The following CUX2 variants were observed in gnomAD, a reference collection of about 807,000 sequenced individuals.
CUX2 encodes homeobox protein cut-like 2.
Under a neutral mutation model 144.8 loss-of-function variants are expected in CUX2, and 40 were observed. That is an observed-to-expected ratio of 0.28 (90% CI 0.21 to 0.36). The LOEUF (loss-of-function observed/expected upper bound fraction) is 0.36. CUX2 is among the 10% of genes least tolerant of loss of function. CUX2 has a pLI of 1.00. For missense variants in CUX2, 1,615 were observed against 1,994.0 expected (o/e 0.81, Z 3.62); for synonymous variants, 827 against 875.6 (o/e 0.94, Z 0.98).
chr12:111,051,307 C>T (rs1209047058), intron 1 of CUX2, among the ~76,000 whole-genome samples: 2 of 152,048 alleles, frequency 1.3e-5, no homozygotes, highest in East Asian at 3.9e-4. Flanking sequence ...TCTAGTTGTT[C>T]TTTGCACTGT....
chr12:111,127,761 C>A (rs370604804), intron 1 of CUX2, among the ~76,000 whole-genome samples: 82 of 152,292 alleles, frequency 5.4e-4, no homozygotes, highest in African/African-American at 1.8e-3. Context: ...GTTTAATGGA[C>A]TCACAGTTCC....
At chr12:111,153,131 T>C (rs1216249857) in intron 1 of CUX2, among the ~76,000 whole-genome samples, 1 of 152,246 alleles carries the variant, frequency 6.6e-6, no homozygotes, top group Non-Finnish European at 1.5e-5. Context: ...CCCTGGATTC[T>C]AGTTTTAGAG....
chr12:111,316,142 C>CTTTT (rs201009821), intron 16 of CUX2, among the ~76,000 whole-genome samples: 3 of 132,098 alleles, frequency 2.3e-5, no homozygotes, highest in Non-Finnish European at 3.2e-5. Flanking sequence ...TAAAATTAAG[C>CTTTT]TTTTTTTTTT....
chr12:111,114,323 A>T lies in CUX2; in HGVS notation c.63+80083A>T, dbSNP rs775801193. Among the ~76,000 whole-genome samples the T allele has an allele frequency of 1.2e-3, 179 of 151,898 alleles. 1 individual carries two copies. Among genetic ancestry groups the T allele is most frequent in the South Asian group, 1.0e-3 (5 of 4,806 alleles). On this transcript the variant is annotated intron_variant, in intron 1 of 21. Coordinates refer to ENST00000261726, the MANE Select transcript of CUX2 (RefSeq NM_015267.4). ...ATAGCAGTATCTCATTGTGGTTTTC[A>T]TTTGCATTTCCCTAATGATTAATGA... is the stretch of plus-strand genomic sequence containing the variant.
intron 4 of CUX2, among the ~76,000 whole-genome samples, chr12:111,288,912 G>A (rs948610964): frequency 3.9e-5 from 6 of 152,200 alleles, no homozygotes; most frequent in African/African-American, 9.6e-5. Flanking sequence ...ACAGTGAGCC[G>A]AGATCGTCTC....
chr12:111,339,358 C>T (rs1006800980), intron 20 of CUX2, among the ~76,000 whole-genome samples: 8 of 152,192 alleles, frequency 5.3e-5, no homozygotes, highest in African/African-American at 1.7e-4. Flanking sequence ...TGTGTACCTC[C>T]CTCCCTCCTC....
At position 111,035,217 on chromosome 12, in the gene CUX2, G is replaced by T. The variant is rs879815002; in HGVS notation, c.63+977G>T. On this transcript the variant is annotated intron_variant, in intron 1 of 21. Coordinates refer to ENST00000261726, the MANE Select transcript of CUX2 (RefSeq NM_015267.4). This position sits in a 1 kb window ranked among gnomAD's most constrained non-coding sequence, Gnocchi z 6.0. Reference sequence around the variant, plus strand: ...TCTCTCCCGTCTCTGCTTTTCTTCTGTTTCTTTCCTCTCTTCCCTGCTCTT... The same window carrying T: ...TCTCTCCCGTCTCTGCTTTTCTTCTTTTTCTTTCCTCTCTTCCCTGCTCTT... Among the ~76,000 whole-genome samples the T allele has an allele frequency of 1.3e-5, 2 of 152,178 alleles. No homozygotes were observed. The highest frequency in any genetic ancestry group is 1.3e-4 in the Admixed American group (2 of 15,284).
At position 111,308,496 on chromosome 12, in the gene CUX2, C is replaced by G; in HGVS notation, c.1228C>G (p.Leu410Val). 6.2e-7 allele frequency: 1 copy of G among 1,613,788 alleles called. No individual in the cohort carries two copies. The highest frequency in any genetic ancestry group is 8.5e-7 in the Non-Finnish European group (1 of 1,179,880). The change falls in exon 14 of 22, where the codon CTG (leucine) becomes GTG (valine). Residue 410 changes from leucine to valine, a missense_variant. By Grantham distance (32) the Leu-to-Val change is conservative. Coordinates refer to ENST00000261726, the MANE Select transcript of CUX2 (RefSeq NM_015267.4). ...CTTCTTCCCCACGCAGAAATTCCTT[C>G]TGGAGAAGCCCAGCCTCCTGGCCAG... ...EAFFPTQKFL[L>V]EKPSLLASPE...
rs180957696 is a variant in CUX2 at position 111,349,555 on chromosome 12, A to T, written c.*1230A>T. On this transcript the variant is annotated 3_prime_UTR_variant, in exon 22 of 22. Coordinates refer to ENST00000261726, the MANE Select transcript of CUX2 (RefSeq NM_015267.4). ...AGTCCATGCAGAACTCTGGAAGGCC[A>T]AGTTCATCGCAGCATGTTCACCATA... 1 of 152,330 alleles carries T rather than the reference A, an allele frequency of 6.6e-6. No homozygotes were observed. The highest frequency in any genetic ancestry group is 1.9e-4 in the East Asian group (1 of 5,182). 9.4% of individuals were successfully genotyped at this position (152,330 alleles called of 1,614,324 possible).
chr12:111,126,202 A>G (rs139297546), intron 1 of CUX2, among the ~76,000 whole-genome samples: 1,646 of 151,274 alleles, frequency 0.011, 34 homozygotes, highest in African/African-American at 0.037. Flanking sequence ...TCTGCCTCTC[A>G]GGTTCAAGCG....
At position 111,349,498 on chromosome 12, in the gene CUX2, G is replaced by A. The variant is rs1888964052; in HGVS notation, c.*1173G>A. On this transcript the variant is annotated 3_prime_UTR_variant, in exon 22 of 22. Transcript: ENST00000261726. ...CCATCTTCTTTCTCAAGTTGACCGT[G>A]GTGCTGTTTCTGGAAGGCATCTGCA... 6.6e-6 allele frequency: 1 copy of A among 152,154 alleles called. No individual in the cohort carries two copies. Among genetic ancestry groups the A allele is most frequent in the African/African-American group, 2.4e-5 (1 of 41,422 alleles). 9.4% of individuals were successfully genotyped at this position (152,154 alleles called of 1,614,324 possible).
At chr12:111,148,498 C>T (rs180955145) in intron 1 of CUX2, among the ~76,000 whole-genome samples, 227 of 152,266 alleles carry the variant, frequency 1.5e-3, no homozygotes, top group African/African-American at 5.3e-3. Flanking sequence ...CAGAACTGTA[C>T]ATTTAAATAT....
chr12:111,043,490 T>C (rs1869845979), intron 1 of CUX2, among the ~76,000 whole-genome samples: 1 of 152,054 alleles, frequency 6.6e-6, no homozygotes. Context: ...CACCTGCCAA[T>C]GAGGAGTAGG....
intron 21 of CUX2, among the ~76,000 whole-genome samples, chr12:111,346,106 CAA>C (rs768840708): frequency 1.0e-4 from 7 of 69,762 alleles, no homozygotes; most frequent in African/African-American, 2.3e-4. Flanking sequence ...GACTCCATCT[CAA>C]AAAAAAAAAA....
At chr12:111,275,524 C>T (rs1364083497) in intron 4 of CUX2, among the ~76,000 whole-genome samples, 1 of 152,182 alleles carries the variant, frequency 6.6e-6, no homozygotes, top group Non-Finnish European at 1.5e-5. Flanking sequence ...GTGCTGAGCC[C>T]AACAGAAACC....
chr12:111,235,009 G>C (rs1481118482), intron 3 of CUX2, among the ~76,000 whole-genome samples: 1 of 152,140 alleles, frequency 6.6e-6, no homozygotes, highest in Non-Finnish European at 1.5e-5. Context: ...ATGAGCCACT[G>C]TCCCCAGCCC....
chr12:111,336,460 T>TGTGTGTGTG (rs1490518484), intron 19 of CUX2, among the ~76,000 whole-genome samples: 54 of 130,828 alleles, frequency 4.1e-4, no homozygotes, highest in African/African-American at 1.6e-3. Context: ...GTGTGTGTGT[T>TGTGTGTGTG]TAAGATGGAG....
intron 1 of CUX2, among the ~76,000 whole-genome samples, chr12:111,153,213 T>G (rs75309233): frequency 0.069 from 10,498 of 152,278 alleles, 779 homozygotes; most frequent in African/African-American, 0.18. Flanking sequence ...TGCGTGGCAT[T>G]CTTCCTGGCA....
chr12:111,182,351 GCAGGTAT>G (rs1408057906), intron 1 of CUX2, among the ~76,000 whole-genome samples: 1 of 152,198 alleles, frequency 6.6e-6, no homozygotes, highest in Non-Finnish European at 1.5e-5. Flanking sequence ...CCAGGTAATT[GCAGGTAT>G]GAACAAATTA....
Sources: allele counts gnomAD v4.1 joint callset (sites outside exome capture counted in the v4.1 genomes callset), GRCh38; gene constraint gnomAD v4.1.1; non-coding constraint Gnocchi (gnomAD v3.1); transcripts MANE v1.5; gene names NCBI Gene and HGNC (gene_info 2026-07-23, HGNC 2026-07-21).